The following PATJ variants were observed in gnomAD, a reference collection of about 807,000 sequenced individuals.
PATJ encodes the protein inaD-like protein.
Under a neutral mutation model 224.9 loss-of-function variants are expected in PATJ, and 190 were observed. That is an observed-to-expected ratio of 0.84 (90% confidence interval 0.75 to 0.95). PATJ has a LOEUF of 0.95. Among genes scored for constraint, PATJ ranks in the 40% least tolerant of loss-of-function variants. The probability of loss-of-function intolerance (pLI) is 0.00; values close to 1 mark genes in which losing one functional copy is unlikely to be tolerated. For missense variants in PATJ, 2,121 were observed against 2,270.3 expected, an observed-to-expected ratio of 0.93 and a Z score of 1.34; for synonymous variants, 769 against 820.3, an observed-to-expected ratio of 0.94 and a Z score of 1.07.
chr1:62,117,856 A>G (rs1188607953), intron 37 of PATJ, among the ~76,000 whole-genome samples: 1 of 152,140 alleles, frequency 6.6e-6, no homozygotes, highest in East Asian at 1.9e-4. Flanking sequence ...GTGGTACATA[A>G]TGAGACTATA....
At chr1:61,785,478 G>A (rs1229589827) in intron 7 of PATJ, among the ~76,000 whole-genome samples, 1 of 152,178 alleles carries the variant, frequency 6.6e-6, no homozygotes, top group Non-Finnish European at 1.5e-5. Flanking sequence ...TATCAGCTTT[G>A]TGACCTTGGT....
chr1:61,854,235 T>G (rs924858968), intron 17 of PATJ, among the ~76,000 whole-genome samples: 3 of 152,176 alleles, frequency 2.0e-5, no homozygotes, highest in Non-Finnish European at 4.4e-5. Context: ...TTCTCTACTT[T>G]CTCTGGAAGG....
intron 27 of PATJ, among the ~76,000 whole-genome samples, chr1:61,966,839 A>G (rs1355828222): frequency 2.6e-5 from 4 of 152,188 alleles, no homozygotes; most frequent in Non-Finnish European, 5.9e-5. Context: ...ATATAGGGTA[A>G]CTTCCTGATG....
At chr1:61,823,738 A>G (rs942361497) in intron 15 of PATJ, among the ~76,000 whole-genome samples, 1 of 150,934 alleles carries the variant, frequency 6.6e-6, no homozygotes, top group Non-Finnish European at 1.5e-5. Context: ...GATTTTAGAG[A>G]TTTTTTTTTT....
intron 27 of PATJ, among the ~76,000 whole-genome samples, chr1:61,964,484 T>C (rs1270600534): frequency 6.6e-6 from 1 of 152,174 alleles, no homozygotes; most frequent in Non-Finnish European, 1.5e-5. Flanking sequence ...AAGATTTCCA[T>C]GACACATAGA....
intron 43 of PATJ, among the ~76,000 whole-genome samples, chr1:62,159,215 C>T (rs569738692): frequency 6.6e-6 from 1 of 152,082 alleles, no homozygotes; most frequent in African/African-American, 2.4e-5. Context: ...ATTTTTGAGA[C>T]AGAGTTTACT....
chr1:62,133,640 T>A (rs1156754643), intron 41 of PATJ, among the ~76,000 whole-genome samples: 1 of 152,074 alleles, frequency 6.6e-6, no homozygotes, highest in Non-Finnish European at 1.5e-5. Flanking sequence ...CTAAACAGAT[T>A]TGAGTAGAAT....
chr1:62,123,085 T>C (rs1293077426), intron 39 of PATJ, 27 bp downstream of exon 39: 2 of 1,558,590 alleles, frequency 1.3e-6, no homozygotes, highest in East Asian at 4.6e-5. Flanking sequence ...GCTGTATGTA[T>C]TTTTCTGGTT....
intron 1 of PATJ, among the ~76,000 whole-genome samples, chr1:61,758,430 C>A (rs1401296153): frequency 6.6e-6 from 1 of 151,988 alleles, no homozygotes; most frequent in Non-Finnish European, 1.5e-5. Flanking sequence ...CTCACTGCAA[C>A]CTCCGCCTCC....
intron 27 of PATJ, among the ~76,000 whole-genome samples, chr1:61,963,216 A>AGAGT (rs1681571905): frequency 6.6e-6 from 1 of 152,240 alleles, no homozygotes; most frequent in African/African-American, 2.4e-5. Context: ...GGCTTTACCA[A>AGAGT]TAACACAACC....
At chr1:61,964,136 C>G (rs1681727515) in intron 27 of PATJ, among the ~76,000 whole-genome samples, 1 of 143,494 alleles carries the variant, frequency 7.0e-6, no homozygotes, top group South Asian at 2.6e-4. Flanking sequence ...GGCTGGAGTA[C>G]AGTGGCATGA....
At chr1:62,121,003 T>C (rs1025311503) in intron 37 of PATJ, 178 bp from the exon 38 acceptor site, 8 of 489,242 alleles carry the variant, frequency 1.6e-5, no homozygotes, top group South Asian at 8.1e-5. Flanking sequence ...CTAAATGGGA[T>C]TGGGTTGAGG....
At chr1:61,902,085 G>T (rs980904022) in intron 24 of PATJ, among the ~76,000 whole-genome samples, 36 of 152,108 alleles carry the variant, frequency 2.4e-4, no homozygotes, top group African/African-American at 7.7e-4. Flanking sequence ...GCCGGGCGTA[G>T]TGGCACGTGC....
intron 27 of PATJ, among the ~76,000 whole-genome samples, chr1:61,934,562 T>C (rs1676550234): frequency 1.3e-5 from 2 of 152,268 alleles, no homozygotes; most frequent in African/African-American, 4.8e-5. Flanking sequence ...GAAGGTATTA[T>C]ACCTTCTGTT....
intron 29 of PATJ, among the ~76,000 whole-genome samples, chr1:62,029,484 A>G (rs1648772720): frequency 6.6e-6 from 1 of 152,232 alleles, no homozygotes; most frequent in African/African-American, 2.4e-5. Context: ...GAATTAGTCA[A>G]GGGCTATCAA....
At position 62,010,010 on chromosome 1, in the gene PATJ, G is replaced by A. The variant is rs191604747; in HGVS notation, c.3868-7846G>A. Among the ~76,000 whole-genome samples the A allele has an allele frequency of 2.7e-3, 405 of 150,588 alleles. 3 individuals are homozygous for A. The highest frequency in any genetic ancestry group is 6.8e-3 in the Middle Eastern group (2 of 292). On this transcript the variant is annotated intron_variant, in intron 28 of 43. Transcript: ENST00000642238. ...AGGCAGGAGAATCGCTTGAACCTGG[G>A]AGGGGGAGGTTACAGTGAGCCGAGA...
chr1:61,918,943 G>A (rs1434379148), intron 26 of PATJ, among the ~76,000 whole-genome samples: 3 of 150,870 alleles, frequency 2.0e-5, no homozygotes, highest in Admixed American at 1.3e-4. Flanking sequence ...AGGGGACAGG[G>A]CAAAACCCTG....
At chr1:61,871,842 G>A (rs1666672184) in intron 20 of PATJ, among the ~76,000 whole-genome samples, 1 of 150,344 alleles carries the variant, frequency 6.7e-6, no homozygotes, top group South Asian at 2.1e-4. Context: ...GGGATTACAG[G>A]CGTGAGCCAC....
chr1:61,970,696 A>C (rs979194306), intron 27 of PATJ, among the ~76,000 whole-genome samples: 1 of 152,054 alleles, frequency 6.6e-6, no homozygotes, highest in Admixed American at 6.6e-5. Flanking sequence ...CTCTTCATCT[A>C]TTGCCCAGGC....
Sources: gnomAD v4.1 joint callset for allele counts (sites outside exome capture counted in the v4.1 genomes callset) on GRCh38, gnomAD v4.1.1 for gene constraint, MANE v1.5 for transcripts, NCBI Gene and HGNC (gene_info 2026-07-23, HGNC 2026-07-21) for gene names.